GLUD1: variants seen among roughly 807,000 people sequenced by gnomAD.
The protein encoded by GLUD1 is glutamate dehydrogenase 1.
Under a neutral mutation model 56.0 loss-of-function variants are expected in GLUD1, and 22 were observed. The observed-to-expected ratio is 0.39, with a 90% CI of 0.28 to 0.56. The LOEUF (loss-of-function observed/expected upper bound fraction) is 0.56, where lower values mean the gene tolerates loss of function less well. Among genes scored for constraint, GLUD1 ranks in the 20% least tolerant of loss-of-function variants. GLUD1 has a pLI of 0.58. For synonymous variants in GLUD1, 223 were observed against 269.9 expected (o/e 0.83, Z 1.70); for missense variants, 451 against 732.0 (o/e 0.62, Z 4.43).
At chr10:87,061,473 G>A (rs536686113) in intron 6 of GLUD1, among the ~76,000 whole-genome samples, 31 of 152,208 alleles carry the variant, frequency 2.0e-4, no homozygotes, top group Admixed American at 1.9e-3. Context: ...AGCCGAGACT[G>A]CACTCCAGCC....
At chr10:87,073,061 A>G (rs562895515) in intron 4 of GLUD1, among the ~76,000 whole-genome samples, 1 of 152,372 alleles carries the variant, frequency 6.6e-6, no homozygotes, top group African/African-American at 2.4e-5. Context: ...AGAGTTACCT[A>G]TACTTACTGT....
At position 87,094,208 on chromosome 10, in the gene GLUD1, C is replaced by G. The variant is rs1251959125; in HGVS notation, c.445+117G>C. 26 of 1,409,068 alleles carry G rather than the reference C, an allele frequency of 1.8e-5. No individual in the cohort carries two copies. Among genetic ancestry groups the G allele is most frequent in the Non-Finnish European group, 1.9e-5 (20 of 1,059,622 alleles). The allele number at this position is 1,409,068 out of a possible 1,614,324, so 87.3% of individuals were successfully genotyped here. A position where few individuals can be genotyped will look rare whatever the true frequency, so the allele number is the denominator to read the frequency against. ...AGGCGGGGTGACCCGGGCGGGGACC[C>G]GGCCCGCTCCAGCTGGGCTGGGCTG... On this transcript the variant is annotated intron_variant, in intron 1 of 12. Transcript: ENST00000277865. This position sits in a 1 kb window ranked among gnomAD's most constrained non-coding sequence, Gnocchi z 6.6.
Position 87,079,891 on chromosome 10 carries a change from TCCCTCTCCCTCCCCCTCCCCCTCC to T in GLUD1, c.446-3259_446-3236del, listed in dbSNP as rs1841160785. 7.2e-5 allele frequency among the ~76,000 whole-genome samples: 10 copies of T among 139,482 alleles called. No individual in the cohort carries two copies. In the South Asian group the frequency reaches 1.4e-3, roughly 20 times the overall value. The allele number at this position is 139,482 out of a possible 152,430, so 91.5% of individuals were successfully genotyped here. ...ATGTATTAATTAAGAACTAGTGCTC[TCCCTCTCCCTCCCCCTCCCCCTCC>T]CCCTCTCCCTCCCCCTCTCCCTCTC... On this transcript the variant is annotated intron_variant, in intron 1 of 12. Transcript: ENST00000277865.
intron 12 of GLUD1, among the ~76,000 whole-genome samples, chr10:87,052,840 C>T (rs929051688): frequency 1.3e-5 from 2 of 152,014 alleles, no homozygotes; most frequent in Non-Finnish European, 2.9e-5. Flanking sequence ...AACAACAGCC[C>T]TAAGAAGCAC....
At chr10:87,087,233 T>C (rs1589383625) in intron 1 of GLUD1, among the ~76,000 whole-genome samples, 1 of 152,340 alleles carries the variant, frequency 6.6e-6, no homozygotes, top group East Asian at 1.9e-4. Context: ...ATGTCTGGAA[T>C]GTCCCCACTG....
intron 1 of GLUD1, among the ~76,000 whole-genome samples, chr10:87,080,566 T>C (rs1841199454): frequency 6.7e-6 from 1 of 149,708 alleles, no homozygotes; most frequent in South Asian, 2.1e-4. Context: ...TCGTCTGCGA[T>C]GTGGGGAGCG....
intron 9 of GLUD1, among the ~76,000 whole-genome samples, chr10:87,059,890 G>A (rs538401093): frequency 2.0e-5 from 3 of 152,204 alleles, no homozygotes; most frequent in African/African-American, 7.2e-5. Context: ...AGTTAGAATA[G>A]TGTTTCTAAC....
intron 1 of GLUD1, among the ~76,000 whole-genome samples, chr10:87,083,815 CTACACA>C (rs1244613186): frequency 1.7e-5 from 1 of 58,468 alleles, no homozygotes; most frequent in Non-Finnish European, 3.5e-5. Context: ...GATCCCATCT[CTACACA>C]CACACACACA....
At chr10:87,057,646 G>T (rs1408015427) in intron 11 of GLUD1, 45 bp downstream of exon 11, 3 of 957,032 alleles carry the variant, frequency 3.1e-6, no homozygotes, top group Non-Finnish European at 5.2e-6. Flanking sequence ...GAAGGAAAGA[G>T]CAGGGAGCAT....
At position 87,076,644 on chromosome 10, in the gene GLUD1, C is replaced by G; in HGVS notation, c.458G>C (p.Ser153Thr). 1 of 1,598,764 alleles carries G rather than the reference C, an allele frequency of 6.3e-7. No individual in the cohort carries two copies. The highest frequency in any genetic ancestry group is 8.6e-7 in the Non-Finnish European group (1 of 1,165,950). Reference sequence around the variant, plus strand: ...TACTTCATCTACACTCACATCAGTGCTGTAACGGATACCTGGTGGTGTTTT... The same window carrying G: ...TACTTCATCTACACTCACATCAGTGGTGTAACGGATACCTGGTGGTGTTTT... ...RTPCKGGIRY[S>T]TDVSVDEVKA... Residue 153 changes from serine (S) to threonine (T), a missense_variant, in exon 2 of 13, where the codon AGC (serine) becomes ACC (threonine). Coordinates refer to ENST00000277865, the MANE Select transcript of GLUD1 (RefSeq NM_005271.5).
intron 5 of GLUD1, among the ~76,000 whole-genome samples, chr10:87,064,953 A>G (rs1025601238): frequency 6.6e-6 from 1 of 152,202 alleles, no homozygotes; most frequent in Non-Finnish European, 1.5e-5. Flanking sequence ...TGGGGCTAGG[A>G]CAAAGAGGGC....
chr10:87,055,710 G>A (rs1460514298), intron 11 of GLUD1, among the ~76,000 whole-genome samples: 1 of 152,210 alleles, frequency 6.6e-6, no homozygotes, highest in African/African-American at 2.4e-5. Context: ...GGAACGGTTA[G>A]TACCTAGAAT....
At chr10:87,065,217 C>T (rs1016778565) in intron 5 of GLUD1, among the ~76,000 whole-genome samples, 5 of 143,008 alleles carry the variant, frequency 3.5e-5, no homozygotes, top group African/African-American at 1.3e-4. Flanking sequence ...TGCTTGAACC[C>T]GGGAGGCGGA....
At chr10:87,068,739 T>C (rs1022901934) in intron 4 of GLUD1, among the ~76,000 whole-genome samples, 1 of 152,104 alleles carries the variant, frequency 6.6e-6, no homozygotes, top group Non-Finnish European at 1.5e-5. Context: ...CATATAAGGT[T>C]TTAGGCCTTA....
At chr10:87,088,491 A>G (rs1464225875) in intron 1 of GLUD1, among the ~76,000 whole-genome samples, 1 of 152,182 alleles carries the variant, frequency 6.6e-6, no homozygotes, top group Non-Finnish European at 1.5e-5. Flanking sequence ...CTTCAATACG[A>G]GTACATCACC....
chr10:87,093,359 C>T (rs1375380871), intron 1 of GLUD1, among the ~76,000 whole-genome samples: 1 of 152,140 alleles, frequency 6.6e-6, no homozygotes, highest in African/African-American at 2.4e-5. Context: ...GTGGTTTGTC[C>T]TTTCCATTTT....
intron 4 of GLUD1, among the ~76,000 whole-genome samples, chr10:87,073,087 T>A (rs1846283197): frequency 6.6e-6 from 1 of 152,246 alleles, no homozygotes; most frequent in Admixed American, 6.5e-5. Flanking sequence ...TATATTAGGT[T>A]ATTTCATGAC....
chr10:87,077,628 A>G (rs186614167), intron 1 of GLUD1, among the ~76,000 whole-genome samples: 1 of 151,362 alleles, frequency 6.6e-6, no homozygotes, highest in East Asian at 1.9e-4. Context: ...GGATGCCCAC[A>G]GCTTTGGCTT....
At chr10:87,055,429 A>AT (rs1420007682) in intron 11 of GLUD1, among the ~76,000 whole-genome samples, 1 of 151,976 alleles carries the variant, frequency 6.6e-6, no homozygotes, top group Non-Finnish European at 1.5e-5. Flanking sequence ...GAAAACTTTT[A>AT]TTTTTTTAAC....
Sources: allele counts gnomAD v4.1 joint callset (sites outside exome capture counted in the v4.1 genomes callset), GRCh38; gene constraint gnomAD v4.1.1; non-coding constraint Gnocchi (gnomAD v3.1); transcripts MANE v1.5; gene names NCBI Gene and HGNC (gene_info 2026-07-23, HGNC 2026-07-21).